The following PALM2AKAP2 variants were observed in gnomAD, a reference collection of about 807,000 sequenced individuals.
The protein encoded by PALM2AKAP2 is PALM2-AKAP2 fusion protein.
Under a neutral mutation model 71.5 loss-of-function variants are expected in PALM2AKAP2, and 37 were observed. The observed-to-expected ratio is 0.52, with a 90% CI of 0.40 to 0.68. PALM2AKAP2 has a LOEUF of 0.68. Ranked by LOEUF, PALM2AKAP2 falls within the 30% of genes least tolerant of loss-of-function variation. The pLI is 0.00. For missense variants in PALM2AKAP2, 1,224 were observed against 1,191.8 expected (o/e 1.03, Z -0.40); for synonymous variants, 468 against 478.8 (o/e 0.98, Z 0.29).
intron 2 of PALM2AKAP2, among the ~76,000 whole-genome samples, chr9:110,155,265 A>G (rs7868554): frequency 0.67 from 101,280 of 152,070 alleles, 34,050 homozygotes; most frequent in East Asian, 0.96. Context: ...TCCCAAACGG[A>G]GCCATGCAAG....
Position 110,162,239 on chromosome 9 carries a change from G to A in PALM2AKAP2, c.2748+5742G>A, listed in dbSNP as rs149457875. 2,469 of 1,506,796 alleles carry A rather than the reference G, an allele frequency of 1.6e-3. 4 individuals carry two copies. Among genetic ancestry groups the A allele is most frequent in the Non-Finnish European group, 2.1e-3 (2,293 of 1,084,694 alleles). 93.3% of individuals were successfully genotyped at this position (1,506,796 alleles called of 1,614,324 possible). A position where few individuals can be genotyped will look rare whatever the true frequency, so the allele number is the denominator to read the frequency against. ...GTTAAACGAAAATGGCAAGAAAAAT[G>A]ACTTGTCTCCATATGTATTTTTTTG... On this transcript the variant is annotated intron_variant, in intron 3 of 3. Coordinates refer to ENST00000374525, the Ensembl canonical transcript of PALM2AKAP2.
At chr9:109,719,298 G>T (rs991274966) in intron 1 of PALM2AKAP2, among the ~76,000 whole-genome samples, 23 of 152,164 alleles carry the variant, frequency 1.5e-4, no homozygotes, top group African/African-American at 5.5e-4. Flanking sequence ...GGTTAGGAAG[G>T]TACAATACAT....
At chr9:109,896,892 A>G (rs1339807538) in intron 3 of PALM2AKAP2, among the ~76,000 whole-genome samples, 1 of 152,180 alleles carries the variant, frequency 6.6e-6, no homozygotes, top group Non-Finnish European at 1.5e-5. Context: ...AGATGGCAAA[A>G]TCTCACTGGT....
In PALM2AKAP2 at chr9:109,719,796, T is replaced by G. The variant is rs141569272; in HGVS notation, c.6-60692T>G. 9.9e-3 allele frequency among the ~76,000 whole-genome samples: 1,506 copies of G among 152,262 alleles called. 21 individuals carry two copies. Among genetic ancestry groups the G allele is most frequent in the South Asian group, 0.026 (126 of 4,816 alleles). On this transcript the variant is annotated intron_variant, in intron 1 of 6. Transcript: ENST00000374531. ...TCCATGGGCTCATACTTAGATTCCC[T>G]AAGCTCTTCCTAGATCCTCCAAGGG...
chr9:109,654,554 T>A (rs1359253787), intron 1 of PALM2AKAP2, among the ~76,000 whole-genome samples: 2 of 152,212 alleles, frequency 1.3e-5, no homozygotes, highest in Non-Finnish European at 2.9e-5. Context: ...TAAAGCACAG[T>A]TCTGAAGGAC....
intron 1 of PALM2AKAP2, among the ~76,000 whole-genome samples, chr9:109,680,629 CAA>C (rs1827713475): frequency 6.6e-6 from 1 of 152,052 alleles, no homozygotes; most frequent in African/African-American, 2.4e-5. Context: ...ATTTTAAAAA[CAA>C]ATCTGTGCTA....
intron 7 of PALM2AKAP2, among the ~76,000 whole-genome samples, chr9:110,043,164 C>T (rs1305015878): frequency 1.3e-5 from 2 of 152,192 alleles, no homozygotes; most frequent in East Asian, 3.8e-4. Context: ...GTCTTCACCC[C>T]ACACCAACTC....
intron 6 of PALM2AKAP2, among the ~76,000 whole-genome samples, chr9:109,978,018 CT>C (rs1019363476): frequency 3.8e-4 from 58 of 152,282 alleles, no homozygotes; most frequent in African/African-American, 1.3e-3. Flanking sequence ...AAGATGTTAG[CT>C]TTCCCTCAAA....
chr9:109,885,086 C>A (rs1829934625), intron 3 of PALM2AKAP2, among the ~76,000 whole-genome samples: 1 of 152,188 alleles, frequency 6.6e-6, no homozygotes, highest in Non-Finnish European at 1.5e-5. Context: ...TCCCTAGATA[C>A]CTCCTAGAAG....
chr9:109,736,197 G>A (rs760212279), intron 1 of PALM2AKAP2, among the ~76,000 whole-genome samples: 56 of 152,220 alleles, frequency 3.7e-4, no homozygotes, highest in African/African-American at 7.5e-4. Context: ...AATAGGTCCC[G>A]GGGAACTAGT....
chr9:109,880,713 T>A, intron 3 of PALM2AKAP2, 32 bp downstream of exon 3: 1 of 1,611,160 alleles, frequency 6.2e-7, no homozygotes, highest in Non-Finnish European at 8.5e-7. Flanking sequence ...GAACCCATGC[T>A]ACAGTTTTTC....
At chr9:110,107,760 T>C (rs558993987) in intron 1 of PALM2AKAP2, among the ~76,000 whole-genome samples, 2 of 152,048 alleles carry the variant, frequency 1.3e-5, no homozygotes, top group Non-Finnish European at 2.9e-5. Flanking sequence ...AGAGACGAGG[T>C]TTCACCATGT....
At chr9:109,779,410 G>A (rs1445492673), upstream of PALM2AKAP2, among the ~76,000 whole-genome samples, 1 of 152,108 alleles carries the variant, frequency 6.6e-6, no homozygotes, top group African/African-American at 2.4e-5. Context: ...GACCCTGAAA[G>A]GATTTCAATC....
chr9:109,658,156 T>A, intron 1 of PALM2AKAP2, among the ~76,000 whole-genome samples: 1 of 152,082 alleles, frequency 6.6e-6, no homozygotes. Context: ...GACATTCAGA[T>A]GGAAATGCTG....
At chr9:109,691,903 CACACACACAT>C (rs1564114990) in intron 1 of PALM2AKAP2, among the ~76,000 whole-genome samples, 4 of 41,264 alleles carry the variant, frequency 9.7e-5, no homozygotes, top group African/African-American at 3.3e-4. Flanking sequence ...TATATATATA[CACACACACAT>C]ATATATATAT....
At chr9:109,766,303 T>C (rs1393961014) in intron 1 of PALM2AKAP2, among the ~76,000 whole-genome samples, 1 of 152,210 alleles carries the variant, frequency 6.6e-6, no homozygotes, top group East Asian at 1.9e-4. Flanking sequence ...TTTGAGTGTT[T>C]TCCAAACATC....
intron 1 of PALM2AKAP2, among the ~76,000 whole-genome samples, chr9:109,798,169 A>G (rs1189299419): frequency 6.6e-6 from 1 of 152,120 alleles, no homozygotes; most frequent in East Asian, 1.9e-4. Flanking sequence ...GGTGTGTCCA[A>G]ATTTCCCCTT....
intron 6 of PALM2AKAP2, among the ~76,000 whole-genome samples, chr9:109,986,215 G>A (rs1832376019): frequency 6.6e-6 from 1 of 151,878 alleles, no homozygotes; most frequent in African/African-American, 2.4e-5. Flanking sequence ...AAGTTTAGGG[G>A]GTAAAAGTGT....
chr9:109,771,106 T>G (rs1829254247), intron 1 of PALM2AKAP2, among the ~76,000 whole-genome samples: 1 of 152,228 alleles, frequency 6.6e-6, no homozygotes, highest in South Asian at 2.1e-4. Flanking sequence ...GGACACCAAT[T>G]AATCTGACAA....
Sources: gnomAD v4.1 joint callset for allele counts (sites outside exome capture counted in the v4.1 genomes callset) on GRCh38, gnomAD v4.1.1 for gene constraint, MANE v1.5 for transcripts, NCBI Gene and HGNC (gene_info 2026-07-23, HGNC 2026-07-21) for gene names.